ZNF585A: variants seen among roughly 807,000 people sequenced by gnomAD.
ZNF585A encodes zinc finger protein 585A.
ZNF585A carries 9 observed loss-of-function variants against 14.9 expected under a neutral mutation model. The observed-to-expected ratio is 0.60, with a 90% CI of 0.36 to 1.05. The LOEUF is 1.05. Ranked by LOEUF, ZNF585A falls within the 50% of genes least tolerant of loss-of-function variation. The pLI is 0.01. For synonymous variants in ZNF585A, 276 were observed against 319.9 expected, an observed-to-expected ratio of 0.86 and a Z score of 1.46; for missense variants, 726 against 926.4, an observed-to-expected ratio of 0.78 and a Z score of 2.81.
intron 1 of ZNF585A, among the ~76,000 whole-genome samples, chr19:37,171,902 CAAA>C (rs35616540): frequency 7.5e-6 from 1 of 132,772 alleles, no homozygotes; most frequent in Admixed American, 7.6e-5. Flanking sequence ...GACTCCATCT[CAAA>C]AAAAAAAAAA....
At position 37,149,231 on chromosome 19, in the gene ZNF585A, T is replaced by C. The variant is rs558440765; in HGVS notation, c.*2358A>G. On this transcript the variant is annotated 3_prime_UTR_variant, in exon 5 of 5. Transcript: ENST00000292841. ...ACTACTCTGAGAGGAATGCTGATAATGTGGGAGGCTATGCATATGTGGATT... is the reference window on the plus strand; with the variant it reads ...ACTACTCTGAGAGGAATGCTGATAACGTGGGAGGCTATGCATATGTGGATT... 6.6e-6 allele frequency: 1 copy of C among 152,222 alleles called. No individual in the cohort carries two copies. Among genetic ancestry groups the C allele is most frequent in the East Asian group, 1.9e-4 (1 of 5,172 alleles). The allele number at this position is 152,222 out of a possible 1,614,324, so 9.4% of individuals were successfully genotyped here.
intron 2 of ZNF585A, among the ~76,000 whole-genome samples, chr19:37,169,031 T>C (rs1206887458): frequency 6.6e-6 from 1 of 152,234 alleles, no homozygotes; most frequent in African/African-American, 2.4e-5. Flanking sequence ...CCTATAACAC[T>C]TTTCAGGGTG....
At chr19:37,157,418 A>C (rs1971948443) in intron 2 of ZNF585A, among the ~76,000 whole-genome samples, 1 of 152,224 alleles carries the variant, frequency 6.6e-6, no homozygotes, top group Non-Finnish European at 1.5e-5. Flanking sequence ...AACTTAAAAG[A>C]CTTGGAAAAT....
intron 2 of ZNF585A, among the ~76,000 whole-genome samples, chr19:37,157,048 G>C (rs1018305572): frequency 2.0e-5 from 3 of 152,112 alleles, no homozygotes; most frequent in African/African-American, 7.2e-5. Flanking sequence ...TCAACCTTTT[G>C]TAAGTAACAT....
intron 4 of ZNF585A, among the ~76,000 whole-genome samples, chr19:37,154,610 G>A (rs1599747848): frequency 6.6e-6 from 1 of 152,174 alleles, no homozygotes; most frequent in Non-Finnish European, 1.5e-5. Flanking sequence ...AGGTCAGGAA[G>A]GGTGATTAAT....
rs1314366208 is a variant in ZNF585A at position 37,148,858 on chromosome 19, G to A, written c.*2731C>T. On this transcript the variant is annotated 3_prime_UTR_variant, in exon 5 of 5. Transcript: ENST00000292841. ...TTATCAAGCCATGAAAAGACATGGAGGAAACTGAAATCCACATTACTAAGT... is the reference window on the plus strand; with the variant it reads ...TTATCAAGCCATGAAAAGACATGGAAGAAACTGAAATCCACATTACTAAGT... 4 of 152,086 alleles carry A rather than the reference G, an allele frequency of 2.6e-5. No homozygotes were observed. 9.4% of individuals were successfully genotyped at this position (152,086 alleles called of 1,614,324 possible).
intron 3 of ZNF585A, 118 bp downstream of exon 3, chr19:37,156,111 C>A: frequency 6.4e-7 from 1 of 1,554,828 alleles, no homozygotes; most frequent in Admixed American, 2.0e-5. Flanking sequence ...AATAAAGAAT[C>A]CTAGACAAAT....
At chr19:37,158,292 AT>A (rs1171190333) in intron 2 of ZNF585A, among the ~76,000 whole-genome samples, 1 of 152,212 alleles carries the variant, frequency 6.6e-6, no homozygotes, top group African/African-American at 2.4e-5. Flanking sequence ...TTAGACAATA[AT>A]CATTAATGGC....
chr19:37,155,990 AG>A (rs1253583823), intron 3 of ZNF585A, 33 bp from the exon 4 acceptor site: 1 of 1,613,420 alleles, frequency 6.2e-7, no homozygotes, highest in South Asian at 1.1e-5. Context: ...GTCTGGGTCC[AG>A]CTAATTGTGT....
rs145721151 is a variant in ZNF585A, at chr19:37,163,966, G to A, written c.72+5873C>T. Among the ~76,000 whole-genome samples the A allele has an allele frequency of 3.6e-3, 552 of 152,240 alleles. 3 individuals are homozygous for A. Among genetic ancestry groups the A allele is most frequent in the Middle Eastern group, 0.02 (6 of 294 alleles). On this transcript the variant is annotated intron_variant, in intron 2 of 4. Transcript: ENST00000292841. The stretch of plus-strand genomic sequence containing the variant: ...GATGACCAAAGGCATATCTGGAGTT[G>A]CCAACAGAAAAGAAATAAGAGCCTC...
rs1273481472 is a variant in ZNF585A, at chr19:37,153,221, G to T, written c.678C>A (p.Asn226Lys). The change falls in exon 5 of 5, where the codon AAC becomes AAA. Residue 226 changes from asparagine to lysine, a missense_variant. Coordinates refer to ENST00000292841, the MANE Select transcript of ZNF585A (RefSeq NM_001288800.2). ...TTTTCTCATGTATACTGAGATCTGAGTTATAAGAGAAGCCTTTCCCACACT... is the reference window on the plus strand; with the variant it reads ...TTTTCTCATGTATACTGAGATCTGATTTATAAGAGAAGCCTTTCCCACACT... ...CSQCGKGFSY[N>K]SDLSIHEKIH... is the part of the protein sequence containing the mutation. The T allele has an allele frequency of 3.1e-6, 5 of 1,614,000 alleles. No homozygotes were observed. The highest frequency in any genetic ancestry group is 4.2e-6 in the Non-Finnish European group (5 of 1,180,018).
At position 37,151,969 on chromosome 19, in the gene ZNF585A, T is replaced by A. The variant is rs1971838048; in HGVS notation, c.1930A>T (p.Ser644Cys). Residue 644 changes from serine (S) to cysteine (C), a missense_variant, in exon 5 of 5, where the codon AGT becomes TGT. Around this residue, in one of 2 missense-constraint regions of ZNF585A, gnomAD observed 243 missense variants for 383.6 expected, o/e 0.63. Transcript: ENST00000292841. Reference sequence around the variant, plus strand: ...TGCTTACTGAGATTTGACCTGCCACTAAAGGCCTTCCCGCACTCGGCACAC... The same window carrying A: ...TGCTTACTGAGATTTGACCTGCCACAAAAGGCCTTCCCGCACTCGGCACAC... ...YVCAECGKAF[S>C]GRSNLSKHQK... 3 of 1,614,106 alleles carry A rather than the reference T, an allele frequency of 1.9e-6. No homozygotes were observed. Among genetic ancestry groups the A allele is most frequent in the Non-Finnish European group, 1.7e-6 (2 of 1,180,022 alleles).
Position 37,151,125 on chromosome 19 carries a change from G to C in ZNF585A, c.*464C>G, listed in dbSNP as rs189313976. 5.1e-4 allele frequency: 196 copies of C among 381,684 alleles called. No homozygotes were observed. The highest frequency in any genetic ancestry group is 3.8e-3 in the African/African-American group (184 of 48,380). The allele number at this position is 381,684 out of a possible 1,614,324, so 23.6% of individuals were successfully genotyped here. On this transcript the variant is annotated 3_prime_UTR_variant, in exon 5 of 5. Transcript: ENST00000292841. ...TCGAATGAGAAAGAAAAACACCCAG[G>C]AGTCTGTTACACAATGTGTTCCACA...
chr19:37,168,287 A>T (rs1025660005), intron 2 of ZNF585A, among the ~76,000 whole-genome samples: 1 of 152,110 alleles, frequency 6.6e-6, no homozygotes, highest in Non-Finnish European at 1.5e-5. Flanking sequence ...GACCGCTGAG[A>T]GTTAGCCTGG....
chr19:37,152,210 T>G lies in ZNF585A; in HGVS notation c.1689A>C (p.Ser563=). The G allele has an allele frequency of 6.2e-7, 1 of 1,613,496 alleles. No homozygotes were observed. Among genetic ancestry groups the G allele is most frequent in the Non-Finnish European group, 8.5e-7 (1 of 1,179,702 alleles). The change falls in exon 5 of 5, where the codon TCA becomes TCC. Residue 563 remains serine (S), a synonymous_variant. Transcript: ENST00000292841. ...GAATTTTCTGATGAACAATGAGTAT[T>G]GATTTCTGGTTGAAGGCTTTCCCAC... ...HECGKAFNQK[S]ILIVHQKIHT... is the part of the protein sequence containing the mutation.
At chr19:37,157,679 C>T (rs899256733) in intron 2 of ZNF585A, among the ~76,000 whole-genome samples, 1 of 152,082 alleles carries the variant, frequency 6.6e-6, no homozygotes, top group East Asian at 1.9e-4. Flanking sequence ...TAGAAAAATA[C>T]ACCATGAGTT....
At position 37,154,985 on chromosome 19, in the gene ZNF585A, A is replaced by G. The variant is rs567355015; in HGVS notation, c.292+880T>C. 2.0e-5 allele frequency among the ~76,000 whole-genome samples: 3 copies of G among 149,968 alleles called. No individual in the cohort carries two copies. The East Asian group carries it at 5.9e-4, about 29-fold the overall frequency. ...ATGTTAGAGAAAATGAGCATAACCA[A>G]GAAAGAAAGATCTTTTTTTTTTTTT... On this transcript the variant is annotated intron_variant, in intron 4 of 4. Transcript: ENST00000292841.
chr19:37,154,277 TA>T lies in ZNF585A; in HGVS notation c.293-672del, dbSNP rs1181045716. 2.0e-5 allele frequency among the ~76,000 whole-genome samples: 3 copies of T among 152,172 alleles called. No individual in the cohort carries two copies. In the East Asian group the frequency reaches 5.8e-4, roughly 29 times the overall value. ...AAAGTAAGGCAAAAAACACTATATA[TA>T]CCACAGCATCATTCATATAAACTAA... On this transcript the variant is annotated intron_variant, in intron 4 of 4. Transcript: ENST00000292841.
rs1971917913 is a variant in ZNF585A, at chr19:37,155,775, T to C, written c.292+90A>G. The C allele has an allele frequency of 2.1e-6, 3 of 1,421,590 alleles. No homozygotes were observed. In the South Asian group the frequency reaches 3.5e-5, roughly 17 times the overall value. The allele number at this position is 1,421,590 out of a possible 1,614,324, so 88.1% of individuals were successfully genotyped here. A position where few individuals can be genotyped will look rare whatever the true frequency, so the allele number is the denominator to read the frequency against. ...TCAGAACTTTCCAGAAAAAGCATCT[T>C]AATAGTATTCCAAGGGTGTTGGTGT... On this transcript the variant is annotated intron_variant, in intron 4 of 4. Transcript: ENST00000292841.
Sources: allele counts gnomAD v4.1 joint callset (sites outside exome capture counted in the v4.1 genomes callset), GRCh38; gene constraint gnomAD v4.1.1; regional missense constraint gnomAD v4.1.1; transcripts MANE v1.5; gene names NCBI Gene and HGNC (gene_info 2026-07-23, HGNC 2026-07-21).